TOX: variants seen among roughly 807,000 people sequenced by gnomAD.
TOX encodes the protein thymocyte selection-associated high mobility group box protein TOX.
In TOX, 11 loss-of-function variants were observed where a neutral mutation model predicts 53.7. The ratio of observed to expected loss-of-function variants is 0.20; its 90% confidence interval spans 0.13 to 0.34. The LOEUF (loss-of-function observed/expected upper bound fraction) is 0.34. Ranked by LOEUF, TOX falls within the 10% of genes least tolerant of loss-of-function variation. TOX has a pLI of 1.00. For missense variants in TOX, 570 were observed against 664.6 expected (o/e 0.86, Z 1.56); for synonymous variants, 225 against 245.3 (o/e 0.92, Z 0.77).
rs190215720 is a variant in TOX, at chr8:58,807,060, C to T, written c.*687G>A. On this transcript the variant is annotated 3_prime_UTR_variant, in exon 9 of 9. Transcript: ENST00000361421. ...CTGCAGTACAAAATAAATGTGTTTGCGCTTCCCTTAATACTAGTTTCTTTT... is the reference window on the plus strand; with the variant it reads ...CTGCAGTACAAAATAAATGTGTTTGTGCTTCCCTTAATACTAGTTTCTTTT... 994 of 152,686 alleles carry T rather than the reference C, an allele frequency of 6.5e-3. 11 individuals are homozygous for T. Among genetic ancestry groups the T allele is most frequent in the Non-Finnish European group, 0.01 (707 of 68,008 alleles). 9.5% of individuals were successfully genotyped at this position (152,686 alleles called of 1,614,324 possible).
chr8:59,091,915 C>T (rs1185682224), intron 1 of TOX, among the ~76,000 whole-genome samples: 2 of 152,026 alleles, frequency 1.3e-5, no homozygotes, highest in African/African-American at 4.8e-5. Context: ...TTTTCCATCT[C>T]CCGTATTTAT....
At chr8:58,858,637 G>T (rs531522614) in intron 3 of TOX, among the ~76,000 whole-genome samples, 1 of 152,350 alleles carries the variant, frequency 6.6e-6, no homozygotes, top group South Asian at 2.1e-4. Context: ...TCTCAAGCCC[G>T]TCCATTTACC....
At chr8:59,076,700 C>A (rs1052849976) in intron 1 of TOX, among the ~76,000 whole-genome samples, 1 of 152,122 alleles carries the variant, frequency 6.6e-6, no homozygotes, top group African/African-American at 2.4e-5. Flanking sequence ...AATAAATAAT[C>A]TCATGTATGT....
rs143021771 is a variant in TOX, at chr8:58,984,221, G to A, written c.103-24213C>T. Among the ~76,000 whole-genome samples, 140 of 152,126 alleles carry A rather than the reference G, an allele frequency of 9.2e-4. No homozygotes were observed. In the East Asian group the frequency reaches 0.026, roughly 29 times the overall value. On this transcript the variant is annotated intron_variant, in intron 1 of 8. Transcript: ENST00000361421. ...CATTAAAGGACACAACAGAATGAAA[G>A]GGCAACCCACAGAATAGGAGAAAAT...
chr8:58,828,956 C>T (rs1810408374), intron 5 of TOX, among the ~76,000 whole-genome samples: 2 of 152,108 alleles, frequency 1.3e-5, no homozygotes, highest in African/African-American at 4.8e-5. Context: ...TTCTATCATG[C>T]TTTTATTAAT....
intron 3 of TOX, among the ~76,000 whole-genome samples, chr8:58,928,327 A>G (rs553416942): frequency 6.6e-6 from 1 of 152,368 alleles, no homozygotes; most frequent in African/African-American, 2.4e-5. Flanking sequence ...AACCGCACAC[A>G]AGAAAAAATC....
chr8:59,102,174 T>C lies in TOX; in HGVS notation c.102+16712A>G, dbSNP rs140259162. On this transcript the variant is annotated intron_variant, in intron 1 of 8. Transcript: ENST00000361421. Reference sequence around the variant, plus strand: ...GCAAGGAGGAGCAAGTCACATCTTATGTGGATGGCGGCAGGTAACAAAAGA... The same window carrying C: ...GCAAGGAGGAGCAAGTCACATCTTACGTGGATGGCGGCAGGTAACAAAAGA... Among the ~76,000 whole-genome samples, 918 of 152,326 alleles carry C rather than the reference T, an allele frequency of 6.0e-3. 11 individuals carry two copies. The highest frequency in any genetic ancestry group is 0.021 in the African/African-American group (861 of 41,582).
intron 3 of TOX, among the ~76,000 whole-genome samples, chr8:58,932,874 G>C (rs75246640): frequency 0.083 from 12,576 of 152,040 alleles, 617 homozygotes; most frequent in South Asian, 0.19. Flanking sequence ...ATGACTGAAT[G>C]CTAAAAATGA....
At chr8:58,841,855 T>G (rs1810649539) in intron 4 of TOX, among the ~76,000 whole-genome samples, 1 of 152,180 alleles carries the variant, frequency 6.6e-6, no homozygotes, top group South Asian at 2.1e-4. Context: ...TGAGAGAAAT[T>G]GGGAACAAAG....
intron 3 of TOX, among the ~76,000 whole-genome samples, chr8:58,921,452 G>A (rs1812074115): frequency 6.6e-6 from 1 of 152,162 alleles, no homozygotes; most frequent in Non-Finnish European, 1.5e-5. Flanking sequence ...ACTATGAAAT[G>A]TTATACTCCA....
chr8:59,060,272 T>C (rs1450992831), intron 1 of TOX, among the ~76,000 whole-genome samples: 1 of 152,208 alleles, frequency 6.6e-6, no homozygotes, highest in Non-Finnish European at 1.5e-5. Context: ...GACTTACTTA[T>C]CGCAACTCTT....
intron 3 of TOX, among the ~76,000 whole-genome samples, chr8:58,890,091 A>G (rs1811535300): frequency 6.6e-6 from 1 of 152,200 alleles, no homozygotes; most frequent in Non-Finnish European, 1.5e-5. Flanking sequence ...AAAATATTTT[A>G]TGTCCATAAT....
intron 1 of TOX, among the ~76,000 whole-genome samples, chr8:59,010,099 C>T (rs1247533990): frequency 1.3e-5 from 2 of 151,980 alleles, no homozygotes; most frequent in Non-Finnish European, 2.9e-5. Flanking sequence ...TCTAAGATAC[C>T]AAATAGTGTA....
intron 3 of TOX, among the ~76,000 whole-genome samples, chr8:58,920,858 AATAT>A (rs897796776): frequency 6.6e-5 from 10 of 151,748 alleles, no homozygotes; most frequent in Admixed American, 2.0e-4. Flanking sequence ...GGTAGAGCTC[AATAT>A]ATACTTGTTA....
intron 3 of TOX, among the ~76,000 whole-genome samples, chr8:58,889,212 C>T: frequency 1.7e-5 from 2 of 114,444 alleles, no homozygotes; most frequent in South Asian, 2.9e-4. Flanking sequence ...TTTACAATAG[C>T]AAAAAAAAAA....
At chr8:58,842,728 G>A (rs1482362004) in intron 4 of TOX, among the ~76,000 whole-genome samples, 1 of 152,178 alleles carries the variant, frequency 6.6e-6, no homozygotes, top group East Asian at 1.9e-4. Flanking sequence ...TGAAGAAACA[G>A]GAGAACTTGT....
intron 6 of TOX, among the ~76,000 whole-genome samples, chr8:58,818,360 G>A (rs558136764): frequency 6.6e-6 from 1 of 152,212 alleles, no homozygotes; most frequent in Non-Finnish European, 1.5e-5. Flanking sequence ...GGAGAATTTG[G>A]GGAAGTTATA....
intron 1 of TOX, among the ~76,000 whole-genome samples, chr8:59,091,170 C>G (rs527466162): frequency 1.3e-5 from 2 of 152,280 alleles, no homozygotes; most frequent in South Asian, 4.2e-4. Context: ...CTCAAAGCCT[C>G]AATTCCTTCT....
chr8:58,950,788 T>C (rs139304006), intron 2 of TOX, among the ~76,000 whole-genome samples: 1 of 152,148 alleles, frequency 6.6e-6, no homozygotes, highest in African/African-American at 2.4e-5. Flanking sequence ...GTCCTGGACT[T>C]GGACAAGAAA....
Sources: allele counts gnomAD v4.1 joint callset (sites outside exome capture counted in the v4.1 genomes callset), GRCh38; gene constraint gnomAD v4.1.1; transcripts MANE v1.5; gene names NCBI Gene and HGNC (gene_info 2026-07-23, HGNC 2026-07-21).